Variants in RBCK1 observed in about 807,000 individuals in gnomAD.
The protein encoded by RBCK1 is ranBP-type and C3HC4-type zinc finger-containing protein 1.
RBCK1 carries 44 observed loss-of-function variants against 71.1 expected under a neutral mutation model. That is an observed-to-expected ratio of 0.62 (90% CI 0.49 to 0.80). RBCK1 has a LOEUF of 0.80. RBCK1 is among the 30% of genes least tolerant of loss of function. RBCK1 has a pLI of 0.00. For missense variants in RBCK1, 569 were observed against 685.0 expected, an observed-to-expected ratio of 0.83 and a Z score of 1.89; for synonymous variants, 306 against 279.7, an observed-to-expected ratio of 1.09 and a Z score of -0.94.
chr20:416,370 C>A (rs2015994624), intron 2 of RBCK1, among the ~76,000 whole-genome samples: 1 of 151,950 alleles, frequency 6.6e-6, no homozygotes. Flanking sequence ...CCGTGTTAGC[C>A]AGGATGGTCT....
rs1447145045 is a variant in RBCK1 at position 431,184 on chromosome 20, A to T, written c.*754A>T. On this transcript the variant is annotated 3_prime_UTR_variant, in exon 12 of 12. Transcript: ENST00000356286. The surrounding 1 kb of genome is among the most constrained non-coding windows in gnomAD (Gnocchi z 4.8). The stretch of plus-strand genomic sequence containing the variant: ...GGATGCTCTTGGGTCACCGTCAGCC[A>T]GGACAGGTGGAGTGTGCAGTGTGTC... 1.3e-5 allele frequency among the ~76,000 whole-genome samples: 2 copies of T among 152,192 alleles called. No homozygotes were observed. The highest frequency in any genetic ancestry group is 4.8e-5 in the African/African-American group (2 of 41,450).
intron 8 of RBCK1, 62 bp from the exon 9 acceptor site, chr20:427,251 G>A: frequency 6.4e-7 from 1 of 1,550,534 alleles, no homozygotes; most frequent in South Asian, 1.2e-5. Context: ...GGTATTTAGT[G>A]GTCAAGGGTC....
chr20:428,343 T>C lies in RBCK1; in HGVS notation c.1210-148T>C, dbSNP rs2016841993. On this transcript the variant is annotated intron_variant, in intron 9 of 11. Transcript: ENST00000356286. The surrounding 1 kb of genome is among the most constrained non-coding windows in gnomAD (Gnocchi z 5.7). The stretch of plus-strand genomic sequence containing the variant: ...GGCGCCAATATCCTCTTCTGTAAAA[T>C]GGCTTATGCATTACAAAGTGAGGTC... 3.8e-6 allele frequency: 2 copies of C among 530,626 alleles called. No homozygotes were observed. The highest frequency in any genetic ancestry group is 6.8e-6 in the Non-Finnish European group (2 of 295,140). 32.9% of individuals were successfully genotyped at this position (530,626 alleles called of 1,614,324 possible).
At chr20:420,794 C>T (rs1297442575) in intron 6 of RBCK1, 77 bp from the exon 7 acceptor site, 4 of 1,370,502 alleles carry the variant, frequency 2.9e-6, no homozygotes, top group Non-Finnish European at 3.9e-6. Flanking sequence ...GACCACGCCC[C>T]CTGGCCCTTC....
Position 417,789 on chromosome 20 carries a change from C to G in RBCK1, c.319C>G (p.Leu107Val). The G allele has an allele frequency of 6.2e-7, 1 of 1,614,088 alleles. No individual in the cohort carries two copies. Among genetic ancestry groups the G allele is most frequent in the East Asian group, 2.2e-5 (1 of 44,876 alleles). ...VLQQWVIGQR[L>V]ARDQETLHSH... ...GCAGCAGTGGGTGATTGGGCAGCGG[C>G]TGGCACGAGACCAGGAGACCCTGCA... The change falls in exon 4 of 12, where the codon CTG becomes GTG. Residue 107 changes from leucine to valine, a missense_variant. By Grantham distance (32) the Leu-to-Val change is conservative. Coordinates refer to ENST00000356286, the MANE Select transcript of RBCK1 (RefSeq NM_031229.4). This position sits in a 1 kb window ranked among gnomAD's most constrained non-coding sequence, Gnocchi z 4.7.
rs984416342 is a variant in RBCK1 at position 410,269 on chromosome 20, A to T, written c.167+244A>T. On this transcript the variant is annotated intron_variant, in intron 2 of 11. Transcript: ENST00000356286. ...TTGTTAGGAGGTGTACTGTATTAGG[A>T]TGTTAGGCCTTATACAACAGAAGAA... The T allele has an allele frequency of 3.3e-5, 21 of 645,032 alleles. No individual in the cohort carries two copies. The African/African-American group carries it at 3.6e-4, about 11-fold the overall frequency. 40.0% of individuals were successfully genotyped at this position (645,032 alleles called of 1,614,324 possible).
chr20:409,375 C>T (rs552115645), intron 1 of RBCK1, among the ~76,000 whole-genome samples: 1 of 152,300 alleles, frequency 6.6e-6, no homozygotes, highest in South Asian at 2.1e-4. Flanking sequence ...TCTCCTCCTT[C>T]AGGTCTTAGC....
chr20:417,393 G>A lies in RBCK1; in HGVS notation c.168-133G>A. On this transcript the variant is annotated intron_variant, in intron 2 of 11. Coordinates refer to ENST00000356286, the MANE Select transcript of RBCK1 (RefSeq NM_031229.4). This position sits in a 1 kb window ranked among gnomAD's most constrained non-coding sequence, Gnocchi z 4.7. ...TGGGTGGGGCCTACCCCAGACTGGG[G>A]TTTGTGTGTGTGTGTGTGTGTGTGT... 2 of 835,154 alleles carry A rather than the reference G, an allele frequency of 2.4e-6. No individual in the cohort carries two copies. Among genetic ancestry groups the A allele is most frequent in the Non-Finnish European group, 4.0e-6 (2 of 494,416 alleles). The allele number at this position is 835,154 out of a possible 1,614,324, so 51.7% of individuals were successfully genotyped here.
At chr20:418,608 T>C (rs958674460) in intron 4 of RBCK1, among the ~76,000 whole-genome samples, 5 of 152,140 alleles carry the variant, frequency 3.3e-5, no homozygotes, top group Admixed American at 6.5e-5. Context: ...GACTTTGTGA[T>C]CCGCCCGCCT....
intron 6 of RBCK1, 108 bp downstream of exon 6, chr20:419,839 C>G: frequency 6.9e-7 from 1 of 1,448,524 alleles, no homozygotes; most frequent in Non-Finnish European, 9.1e-7. Flanking sequence ...CTGCCTTGCC[C>G]CTCCCAACCA....
intron 7 of RBCK1, among the ~76,000 whole-genome samples, chr20:421,493 G>T (rs971329502): frequency 1.3e-5 from 2 of 152,222 alleles, no homozygotes; most frequent in African/African-American, 4.8e-5. Context: ...CAGCAGAGAG[G>T]CTGATGAGAA....
At chr20:425,488 C>T (rs1289284382) in intron 8 of RBCK1, among the ~76,000 whole-genome samples, 4 of 152,130 alleles carry the variant, frequency 2.6e-5, no homozygotes, top group Non-Finnish European at 4.4e-5. Context: ...GATACAATCG[C>T]TTTAGCTTTT....
At chr20:427,143 A>G (rs890617330) in intron 8 of RBCK1, among the ~76,000 whole-genome samples, 170 bp from the exon 9 acceptor site, 3 of 152,014 alleles carry the variant, frequency 2.0e-5, no homozygotes, top group African/African-American at 7.3e-5. Flanking sequence ...CTGGCCTAAA[A>G]TCCACTCTTT....
chr20:413,918 A>C (rs1427383230), intron 2 of RBCK1, among the ~76,000 whole-genome samples: 5 of 34,164 alleles, frequency 1.5e-4, no homozygotes, highest in Admixed American at 4.7e-4. Flanking sequence ...ACAAATCACC[A>C]AAAAAAAAAA....
At chr20:421,273 G>A (rs2016422004) in intron 7 of RBCK1, among the ~76,000 whole-genome samples, 1 of 152,200 alleles carries the variant, frequency 6.6e-6, no homozygotes, top group Admixed American at 6.5e-5. Context: ...GGCGTGGGGG[G>A]AGACTCCCTT....
rs753918686 is a variant in RBCK1 at position 417,340 on chromosome 20, C to A, written c.168-186C>A. The A allele has an allele frequency of 2.7e-6, 2 of 735,088 alleles. No individual in the cohort carries two copies. Among genetic ancestry groups the A allele is most frequent in the East Asian group, 5.2e-5 (2 of 38,438 alleles). 45.5% of individuals were successfully genotyped at this position (735,088 alleles called of 1,614,324 possible). A position where few individuals can be genotyped will look rare whatever the true frequency, so the allele number is the denominator to read the frequency against. On this transcript the variant is annotated intron_variant, in intron 2 of 11. Coordinates refer to ENST00000356286, the MANE Select transcript of RBCK1 (RefSeq NM_031229.4). This position sits in a 1 kb window ranked among gnomAD's most constrained non-coding sequence, Gnocchi z 4.7. ...GCGTGGAGCCATTGGAGGGGCCTAACTGGTGGGTTCTAATAAAGGAAGAAG... is the reference window on the plus strand; with the variant it reads ...GCGTGGAGCCATTGGAGGGGCCTAAATGGTGGGTTCTAATAAAGGAAGAAG...
At chr20:420,495 GC>G in intron 6 of RBCK1, 1 of 983,734 alleles carries the variant, frequency 1.0e-6, no homozygotes, top group South Asian at 4.7e-5. Context: ...CCCGGGCCCT[GC>G]CCTGCTACCT....
chr20:428,068 C>T lies in RBCK1; in HGVS notation c.1210-423C>T, dbSNP rs953894825. ...ATCTCAAAAGTTGAAGGTGAGGAGCCGGTAAACAGGTCTGGAGCCTGGTCT... is the reference window on the plus strand; with the variant it reads ...ATCTCAAAAGTTGAAGGTGAGGAGCTGGTAAACAGGTCTGGAGCCTGGTCT... On this transcript the variant is annotated intron_variant, in intron 9 of 11. Transcript: ENST00000356286. The surrounding 1 kb of genome is among the most constrained non-coding windows in gnomAD (Gnocchi z 5.7). Among the ~76,000 whole-genome samples, 1 of 152,154 alleles carries T rather than the reference C, an allele frequency of 6.6e-6. No individual in the cohort carries two copies. The highest frequency in any genetic ancestry group is 6.5e-5 in the Admixed American group (1 of 15,278).
rs767353266 is a variant in RBCK1 at position 420,990 on chromosome 20, C to T, written c.876C>T (p.Gly292=). The T allele has an allele frequency of 9.6e-6, 15 of 1,565,072 alleles. No individual in the cohort carries two copies. The South Asian group carries it at 1.5e-4, about 16-fold the overall frequency. Residue 292 remains glycine (G), a synonymous_variant, in exon 7 of 12, where the codon GGC becomes GGT. Coordinates refer to ENST00000356286, the MANE Select transcript of RBCK1 (RefSeq NM_031229.4). ...TGTGCTACTCGGTGCTGGCGCCCGG[C>T]GAGGCCGTGGTGCTGCGTGAGTGTC... The part of the protein sequence containing the change: ...CPVCYSVLAP[G]EAVVLRECLH...
Sources: gnomAD v4.1 joint callset for allele counts (sites outside exome capture counted in the v4.1 genomes callset) on GRCh38, gnomAD v4.1.1 for gene constraint, Gnocchi (gnomAD v3.1) non-coding constraint, MANE v1.5 for transcripts, NCBI Gene and HGNC (gene_info 2026-07-23, HGNC 2026-07-21) for gene names.